Variants in RIMS1 observed in about 807,000 individuals in gnomAD.
RIMS1 encodes the protein regulating synaptic membrane exocytosis protein 1.
Under a neutral mutation model 214.1 loss-of-function variants are expected in RIMS1, and 83 were observed. The observed-to-expected ratio is 0.39, with a 90% CI of 0.32 to 0.47. The LOEUF (loss-of-function observed/expected upper bound fraction) is 0.47, where lower values mean the gene tolerates loss of function less well. Among genes scored for constraint, RIMS1 ranks in the 20% least tolerant of loss-of-function variants. RIMS1 has a pLI of 0.99. For missense variants in RIMS1, 2,050 were observed against 2,161.8 expected, an observed-to-expected ratio of 0.95 and a Z score of 1.03; for synonymous variants, 793 against 786.8, an observed-to-expected ratio of 1.01 and a Z score of -0.13.
At chr6:72,324,093 T>C (rs1333689290) in intron 28 of RIMS1, among the ~76,000 whole-genome samples, 2 of 150,736 alleles carry the variant, frequency 1.3e-5, no homozygotes, top group African/African-American at 2.4e-5. Context: ...ACAAAGAGAA[T>C]TCATCATGAG....
At chr6:71,928,761 A>G (rs1417964175) in intron 1 of RIMS1, among the ~76,000 whole-genome samples, 1 of 152,136 alleles carries the variant, frequency 6.6e-6, no homozygotes, top group Non-Finnish European at 1.5e-5. Flanking sequence ...CCCAGGCTGC[A>G]TCAATTGAAT....
intron 16 of RIMS1, among the ~76,000 whole-genome samples, chr6:72,253,244 G>T (rs2154140887): frequency 6.6e-6 from 1 of 152,268 alleles, no homozygotes; most frequent in Non-Finnish European, 1.5e-5. Context: ...TACTGAGAAA[G>T]GTGCATGGCG....
intron 1 of RIMS1, among the ~76,000 whole-genome samples, chr6:71,913,764 A>G (rs1158046351): frequency 6.6e-6 from 1 of 152,124 alleles, no homozygotes; most frequent in Non-Finnish European, 1.5e-5. Context: ...CAGGCCTTCC[A>G]TTGAGCCCTG....
chr6:72,017,187 C>G (rs1191738497), intron 2 of RIMS1, among the ~76,000 whole-genome samples: 25 of 152,122 alleles, frequency 1.6e-4, no homozygotes, highest in Admixed American at 1.6e-3. Flanking sequence ...AGTGTTTATT[C>G]CCTATTTTTA....
Position 72,121,024 on chromosome 6 carries a change from G to A in RIMS1, c.471+21038G>A, listed in dbSNP as rs1194696691. Among the ~76,000 whole-genome samples, 4 of 151,702 alleles carry A rather than the reference G, an allele frequency of 2.6e-5. No homozygotes were observed. In the South Asian group the frequency reaches 6.2e-4, roughly 24 times the overall value. On this transcript the variant is annotated intron_variant, in intron 4 of 33. Coordinates refer to ENST00000521978, the MANE Select transcript of RIMS1 (RefSeq NM_014989.7). ...TCCATTGGTCTATATCTCTGTTTTT[G>A]TACCAGTAGCATGCTGTTTTGGTTA...
At position 72,298,025 on chromosome 6, in the gene RIMS1, A is replaced by G. The variant is rs115273027; in HGVS notation, c.3850+5979A>G. Among the ~76,000 whole-genome samples the G allele has an allele frequency of 6.7e-3, 1,014 of 151,986 alleles. 9 individuals carry two copies. Among genetic ancestry groups the G allele is most frequent in the African/African-American group, 0.022 (908 of 41,488 alleles). On this transcript the variant is annotated intron_variant, in intron 26 of 33. Transcript: ENST00000521978. ...GTTCATTAGGGTTTATTTTTTATTA[A>G]CTGTAGATGAACTTGTAGGACAACC...
intron 10 of RIMS1, among the ~76,000 whole-genome samples, chr6:72,242,687 G>A (rs1350729361): frequency 6.6e-6 from 1 of 151,646 alleles, no homozygotes; most frequent in African/African-American, 2.4e-5. Context: ...TGTACTTTTT[G>A]CAAGTGAAAT....
chr6:72,332,682 T>TAAA (rs745643840), intron 28 of RIMS1, among the ~76,000 whole-genome samples: 1 of 126,170 alleles, frequency 7.9e-6, no homozygotes, highest in Admixed American at 8.1e-5. Context: ...ACTTAAAGTA[T>TAAA]AAAAAAAAAA....
In RIMS1 at chr6:71,891,031, C is replaced by A. The variant is rs1769680136; in HGVS notation, c.164+3844C>A. Among the ~76,000 whole-genome samples, 4 of 152,296 alleles carry A rather than the reference C, an allele frequency of 2.6e-5. No individual in the cohort carries two copies. The South Asian group carries it at 6.2e-4, about 24-fold the overall frequency. On this transcript the variant is annotated intron_variant, in intron 1 of 33. Transcript: ENST00000521978. Reference sequence around the variant, plus strand: ...GCAGCCTATATTTCATTTATATTTTCTTTAAATGAATTTATAGTCTTTTCT... The same window carrying A: ...GCAGCCTATATTTCATTTATATTTTATTTAAATGAATTTATAGTCTTTTCT...
Position 72,333,802 on chromosome 6 carries a change from A to C in RIMS1, c.4333A>C (p.Arg1445=). The part of the protein sequence containing the change: ...SAKVVAIVSR[R]SRSTSQLSQT... ...CAAAGTGGTTGCCATAGTGTCTCGAAGGAGTAGAAGCACATCCCAGCTTAG... is the reference window on the plus strand; with the variant it reads ...CAAAGTGGTTGCCATAGTGTCTCGACGGAGTAGAAGCACATCCCAGCTTAG... The change falls in exon 29 of 34, where the codon AGG becomes CGG. Residue 1445 remains arginine (R), a synonymous_variant. Coordinates refer to ENST00000521978, the MANE Select transcript of RIMS1 (RefSeq NM_014989.7). The C allele has an allele frequency of 6.3e-7, 1 of 1,591,108 alleles. No individual in the cohort carries two copies. Among genetic ancestry groups the C allele is most frequent in the Non-Finnish European group, 8.6e-7 (1 of 1,168,486 alleles).
chr6:72,036,887 G>C (rs1220024194), intron 2 of RIMS1, among the ~76,000 whole-genome samples: 2 of 152,170 alleles, frequency 1.3e-5, no homozygotes, highest in Non-Finnish European at 2.9e-5. Context: ...GCTATAGTGG[G>C]AGGTATAACC....
At chr6:72,188,244 G>A (rs1254034255) in intron 6 of RIMS1, among the ~76,000 whole-genome samples, 2 of 152,122 alleles carry the variant, frequency 1.3e-5, no homozygotes, top group Admixed American at 1.3e-4. Flanking sequence ...GTTGACACTC[G>A]ATATTAACCA....
chr6:72,291,423 C>A (rs893010856), intron 25 of RIMS1, among the ~76,000 whole-genome samples: 7 of 152,140 alleles, frequency 4.6e-5, no homozygotes, highest in Non-Finnish European at 2.9e-5. Flanking sequence ...TTTTAAATAT[C>A]TTTCAAATTT....
rs559878735 is a variant in RIMS1 at position 71,977,934 on chromosome 6, C to T, written c.245+8871C>T. The stretch of plus-strand genomic sequence containing the variant: ...AAGGGGGAATCATGATCCAGTGTTG[C>T]GTAGCAAACGGGTTGTAAGGAAAGA... On this transcript the variant is annotated intron_variant, in intron 2 of 33. Transcript: ENST00000521978. Among the ~76,000 whole-genome samples the T allele has an allele frequency of 9.7e-4, 147 of 152,190 alleles. 1 individual carries two copies. Among genetic ancestry groups the T allele is most frequent in the African/African-American group, 3.1e-3 (130 of 41,540 alleles).
Position 72,258,251 on chromosome 6 carries a change from G to C in RIMS1, c.2897G>C (p.Arg966Pro). 1 of 1,613,344 alleles carries C rather than the reference G, an allele frequency of 6.2e-7. No homozygotes were observed. The highest frequency in any genetic ancestry group is 8.5e-7 in the Non-Finnish European group (1 of 1,179,560). The stretch of plus-strand genomic sequence containing the variant: ...CGCGGCAATGATCAGGGAAAGCCGC[G>C]TTCACGTTTACCAAATGTGCCATTA... ...PHRGNDQGKP[R>P]SRLPNVPLQR... Residue 966 changes from arginine to proline, a missense_variant, in exon 17 of 34, where the codon CGT becomes CCT. Arg to Pro is a moderately radical substitution (Grantham distance 103). Transcript: ENST00000521978.
chr6:71,948,790 G>A (rs560394668), intron 1 of RIMS1, among the ~76,000 whole-genome samples: 1 of 152,180 alleles, frequency 6.6e-6, no homozygotes, highest in Non-Finnish European at 1.5e-5. Context: ...AACACTACAG[G>A]CTGAAGTGAC....
intron 32 of RIMS1, 51 bp downstream of exon 32, chr6:72,398,401 C>A: frequency 2.0e-6 from 2 of 1,017,042 alleles, no homozygotes; most frequent in Non-Finnish European, 2.9e-6. Flanking sequence ...AATAGGCAAA[C>A]AAATAAAAAC....
rs867295224 is a variant in RIMS1, at chr6:72,287,864, G to C, written c.3555-2815G>C. Among the ~76,000 whole-genome samples the C allele has an allele frequency of 4.2e-4, 64 of 152,224 alleles. 1 individual carries two copies. The highest frequency in any genetic ancestry group is 1.5e-3 in the African/African-American group (61 of 41,558). The stretch of plus-strand genomic sequence containing the variant: ...GCCTCAGCCTCCCATAGTGGCATGA[G>C]CCACCACGCGCGGCCGCAAACCTCA... On this transcript the variant is annotated intron_variant, in intron 24 of 33. Coordinates refer to ENST00000521978, the MANE Select transcript of RIMS1 (RefSeq NM_014989.7).
chr6:72,100,277 C>T (rs1237295553), intron 4 of RIMS1, among the ~76,000 whole-genome samples: 2 of 152,020 alleles, frequency 1.3e-5, no homozygotes, highest in South Asian at 4.2e-4. Context: ...GATGATTATT[C>T]CAACTGCTTT....
Sources: allele counts gnomAD v4.1 joint callset (sites outside exome capture counted in the v4.1 genomes callset), GRCh38; gene constraint gnomAD v4.1.1; transcripts MANE v1.5; gene names NCBI Gene and HGNC (gene_info 2026-07-23, HGNC 2026-07-21).